Variants in CAMK2D observed in about 807,000 individuals in gnomAD.
CAMK2D encodes calcium/calmodulin dependent protein kinase II delta, also known as calcium/calmodulin-dependent protein kinase type II subunit delta.
In CAMK2D, 37 loss-of-function variants were observed where a neutral mutation model predicts 84.0. The ratio of observed to expected loss-of-function variants is 0.44; its 90% CI spans 0.34 to 0.58. The LOEUF (loss-of-function observed/expected upper bound fraction) is 0.58. Ranked by LOEUF, CAMK2D falls within the 20% of genes least tolerant of loss-of-function variation. CAMK2D has a pLI of 0.02. For synonymous variants in CAMK2D, 202 were observed against 212.5 expected (o/e 0.95, Z 0.43); for missense variants, 448 against 652.5 (o/e 0.69, Z 3.41).
In CAMK2D at chr4:113,761,442, A is replaced by G. The variant is rs946307203; in HGVS notation, c.-374T>C. On this transcript the variant is annotated 5_prime_UTR_variant, in exon 1 of 21. Transcript: ENST00000511664. ...GCCAGGCACGGGACGAGTGGCAAGCAGTTGCGAAACGATCCGCACTGGAGC... is the reference window on the plus strand; with the variant it reads ...GCCAGGCACGGGACGAGTGGCAAGCGGTTGCGAAACGATCCGCACTGGAGC... The G allele has an allele frequency of 8.5e-7, 1 of 1,179,278 alleles. No homozygotes were observed. The allele number at this position is 1,179,278 out of a possible 1,614,324, so 73.1% of individuals were successfully genotyped here. A position where few individuals can be genotyped will look rare whatever the true frequency, so the allele number is the denominator to read the frequency against.
At chr4:113,690,059 C>T (rs1259451168) in intron 2 of CAMK2D, among the ~76,000 whole-genome samples, 1 of 152,006 alleles carries the variant, frequency 6.6e-6, no homozygotes, top group African/African-American at 2.4e-5. Flanking sequence ...AGAGAACCTC[C>T]ATGAAAAATG....
chr4:113,574,350 T>C (rs2098769996), intron 4 of CAMK2D, among the ~76,000 whole-genome samples: 1 of 152,198 alleles, frequency 6.6e-6, no homozygotes, highest in Non-Finnish European at 1.5e-5. Flanking sequence ...AATCAGGGCA[T>C]TTCTCTGATT....
At chr4:113,758,345 A>T (rs1251514775) in intron 2 of CAMK2D, among the ~76,000 whole-genome samples, 1 of 152,164 alleles carries the variant, frequency 6.6e-6, no homozygotes, top group African/African-American at 2.4e-5. Flanking sequence ...ATTTGCAATA[A>T]ATATGGAAAA....
chr4:113,489,217 C>T (rs568359624), intron 16 of CAMK2D, among the ~76,000 whole-genome samples: 3 of 151,536 alleles, frequency 2.0e-5, no homozygotes, highest in Non-Finnish European at 4.4e-5. Context: ...TATACATGTG[C>T]CATGCTGGTG....
At chr4:113,611,424 G>T (rs1317470594) in intron 3 of CAMK2D, among the ~76,000 whole-genome samples, 2 of 152,088 alleles carry the variant, frequency 1.3e-5, no homozygotes, top group Non-Finnish European at 2.9e-5. Flanking sequence ...AAATAAGATG[G>T]GTTCCCATGT....
intron 4 of CAMK2D, among the ~76,000 whole-genome samples, chr4:113,607,156 AAAG>A (rs2098981255): frequency 6.6e-6 from 1 of 152,170 alleles, no homozygotes; most frequent in African/African-American, 2.4e-5. Context: ...AAAAATCATA[AAAG>A]AAGGGACTCA....
chr4:113,558,342 A>G (rs990433132), intron 4 of CAMK2D, among the ~76,000 whole-genome samples: 10 of 152,062 alleles, frequency 6.6e-5, no homozygotes, highest in African/African-American at 2.2e-4. Context: ...ATTGGCCCCA[A>G]TATTTTTAGT....
At chr4:113,488,683 G>C (rs2097790051) in intron 16 of CAMK2D, among the ~76,000 whole-genome samples, 1 of 152,138 alleles carries the variant, frequency 6.6e-6, no homozygotes. Context: ...TATTTTTGCT[G>C]TGGATAGTTC....
intron 13 of CAMK2D, 34 bp downstream of exon 13, chr4:113,509,604 T>A (rs1257803415): frequency 5.7e-6 from 8 of 1,412,686 alleles, no homozygotes; most frequent in Admixed American, 1.7e-5. Context: ...CATCTGAAAG[T>A]CAGAAATGGA....
chr4:113,474,048 T>G (rs949331513), intron 16 of CAMK2D, among the ~76,000 whole-genome samples: 1 of 152,232 alleles, frequency 6.6e-6, no homozygotes, highest in Non-Finnish European at 1.5e-5. Flanking sequence ...ACAGAACATT[T>G]GCTTATGTGA....
chr4:113,653,845 G>A (rs2099186891), intron 3 of CAMK2D, among the ~76,000 whole-genome samples: 1 of 151,932 alleles, frequency 6.6e-6, no homozygotes, highest in Non-Finnish European at 1.5e-5. Context: ...TACAGAACCT[G>A]AGGAACCTAG....
intron 3 of CAMK2D, among the ~76,000 whole-genome samples, chr4:113,644,491 G>C (rs1329373973): frequency 1.3e-5 from 2 of 152,204 alleles, no homozygotes; most frequent in Non-Finnish European, 2.9e-5. Flanking sequence ...GTGGTTGGCA[G>C]ATGAAGGCAC....
chr4:113,686,045 A>G (rs1393266044), intron 2 of CAMK2D, among the ~76,000 whole-genome samples: 1 of 151,976 alleles, frequency 6.6e-6, no homozygotes, highest in African/African-American at 2.4e-5. Flanking sequence ...CCTGGGCAAC[A>G]GAAAGAGATT....
chr4:113,454,599 G>T lies in CAMK2D; in HGVS notation c.*30-84C>A, dbSNP rs1248563182. 9.3e-6 allele frequency: 7 copies of T among 752,952 alleles called. No individual in the cohort carries two copies. The African/African-American group carries it at 1.2e-4, about 13-fold the overall frequency. The allele number at this position is 752,952 out of a possible 1,614,324, so 46.6% of individuals were successfully genotyped here. On this transcript the variant is annotated intron_variant, in intron 20 of 20. Transcript: ENST00000511664. ...ATTGCTTTGCCATAGATTTGACTAG[G>T]CTACAGTTTTATAACTTGGCTAACA...
intron 2 of CAMK2D, among the ~76,000 whole-genome samples, chr4:113,685,910 C>T (rs1027084500): frequency 1.3e-5 from 2 of 151,802 alleles, no homozygotes; most frequent in Non-Finnish European, 1.5e-5. Context: ...ACTAAAAATA[C>T]AAAATTATCT....
chr4:113,706,107 C>G (rs939902768), intron 2 of CAMK2D, among the ~76,000 whole-genome samples: 3 of 152,108 alleles, frequency 2.0e-5, no homozygotes, highest in Non-Finnish European at 4.4e-5. Context: ...CTGCACTGAG[C>G]CACAGATTCT....
chr4:113,634,901 C>G (rs1326730859), intron 3 of CAMK2D, among the ~76,000 whole-genome samples: 8 of 152,130 alleles, frequency 5.3e-5, no homozygotes, highest in Non-Finnish European at 1.0e-4. Flanking sequence ...GCCTAGAAGG[C>G]CAGACTCTCT....
chr4:113,512,084 T>A (rs2154164764), intron 12 of CAMK2D, among the ~76,000 whole-genome samples: 1 of 152,352 alleles, frequency 6.6e-6, no homozygotes, highest in East Asian at 1.9e-4. Flanking sequence ...CACTGTTATG[T>A]AAACTGTATC....
In CAMK2D at chr4:113,724,819, T is replaced by C. The variant is rs182684478; in HGVS notation, c.160+34501A>G. On this transcript the variant is annotated intron_variant, in intron 2 of 20. Transcript: ENST00000511664. The stretch of plus-strand genomic sequence containing the variant: ...TTTTGTTATTAGGTCATTTAGCACA[T>C]ACATTTAACACTATGATAACTTTTC... 2.4e-3 allele frequency among the ~76,000 whole-genome samples: 358 copies of C among 152,134 alleles called. 2 individuals carry two copies. The highest frequency in any genetic ancestry group is 4.3e-3 in the Non-Finnish European group (293 of 67,910).
Sources: allele counts gnomAD v4.1 joint callset (sites outside exome capture counted in the v4.1 genomes callset), GRCh38; gene constraint gnomAD v4.1.1; transcripts MANE v1.5; gene names NCBI Gene and HGNC (gene_info 2026-07-23, HGNC 2026-07-21).